The following CDH20 variants were observed in gnomAD, a reference collection of about 807,000 sequenced individuals.
CDH20 encodes the protein cadherin 20.
CDH20 carries 29 observed loss-of-function variants against 74.2 expected under a neutral mutation model. The ratio of observed to expected loss-of-function variants is 0.39; its 90% CI spans 0.29 to 0.53. CDH20 has a LOEUF of 0.53. CDH20 is among the 20% of genes least tolerant of loss of function. The pLI, the probability that CDH20 is intolerant of heterozygous loss-of-function variation, is 0.69. For missense variants in CDH20, 988 were observed against 1,048.3 expected (o/e 0.94, Z 0.79); for synonymous variants, 469 against 405.4 (o/e 1.16, Z -1.88).
In CDH20 at chr18:61,353,236, A is replaced by G. The variant is rs1490300201; in HGVS notation, c.-153+19409A>G. Among the ~76,000 whole-genome samples the G allele has an allele frequency of 6.6e-6, 1 of 152,210 alleles. No homozygotes were observed. The highest frequency in any genetic ancestry group is 1.9e-4 in the East Asian group (1 of 5,186). On this transcript the variant is annotated intron_variant, in intron 1 of 11. Coordinates refer to ENST00000262717, the MANE Select transcript of CDH20 (RefSeq NM_031891.4). This position sits in a 1 kb window ranked among gnomAD's most constrained non-coding sequence, Gnocchi z 4.6. ...CGTGGCATTAGTTTCTCCACCATCT[A>G]CATCCAGATAACTCTCTTGCATGAT...
intron 1 of CDH20, among the ~76,000 whole-genome samples, chr18:61,421,945 C>T (rs867701763): frequency 6.6e-6 from 1 of 152,044 alleles, no homozygotes; most frequent in Admixed American, 6.6e-5. Flanking sequence ...ATTCCATTTT[C>T]AATAACGCTC....
chr18:61,466,770 A>T (rs1015534641), intron 1 of CDH20, among the ~76,000 whole-genome samples: 1 of 152,212 alleles, frequency 6.6e-6, no homozygotes, highest in Admixed American at 6.5e-5. Flanking sequence ...GCACAACTAC[A>T]GAGGTAACTC....
Position 61,554,435 on chromosome 18 carries a change from T to G in CDH20, c.2146T>G (p.Cys716Gly), listed in dbSNP as rs1913552377. The part of the protein sequence containing the change: ...ESLSRYVPQT[C>G]AVNSTVHSYV... ...CCTCTCCCGCTACGTGCCTCAGACG[T>G]GCGCAGTGAACAGCACTGTCCACAG... The change falls in exon 12 of 12, where the codon TGC becomes GGC. Residue 716 changes from cysteine (C) to glycine (G), a missense_variant. This residue lies in a region of CDH20 where 375 missense variants were observed against 293.1 expected (regional missense o/e 1.28). Transcript: ENST00000262717. 2 of 1,613,098 alleles carry G rather than the reference T, an allele frequency of 1.2e-6. No homozygotes were observed. Among genetic ancestry groups the G allele is most frequent in the Admixed American group, 3.3e-5 (2 of 59,978 alleles).
intron 1 of CDH20, among the ~76,000 whole-genome samples, chr18:61,350,016 T>C (rs1910253529): frequency 6.6e-6 from 1 of 152,078 alleles, no homozygotes; most frequent in South Asian, 2.1e-4. Context: ...TCCACTGAGT[T>C]TAAGTGACTT....
At chr18:61,510,542 A>T (rs572397494) in intron 6 of CDH20, among the ~76,000 whole-genome samples, 60 of 152,290 alleles carry the variant, frequency 3.9e-4, no homozygotes, top group African/African-American at 1.4e-3. Flanking sequence ...GAACTGAATT[A>T]ACACTGCTTC....
At chr18:61,406,607 T>C (rs554245693) in intron 1 of CDH20, among the ~76,000 whole-genome samples, 1 of 152,348 alleles carries the variant, frequency 6.6e-6, no homozygotes, top group East Asian at 1.9e-4. Context: ...AACAGGATAA[T>C]GTGATAGAAT....
At chr18:61,514,288 G>A (rs1051360966) in intron 6 of CDH20, among the ~76,000 whole-genome samples, 2 of 151,802 alleles carry the variant, frequency 1.3e-5, no homozygotes, top group South Asian at 4.2e-4. Flanking sequence ...CCAGTTGATC[G>A]CATCAGCTCC....
chr18:61,514,814 G>C (rs1324049271), intron 6 of CDH20, among the ~76,000 whole-genome samples: 1 of 151,902 alleles, frequency 6.6e-6, no homozygotes, highest in Admixed American at 6.6e-5. Context: ...GGCTGCTTGG[G>C]GGTCAGGGGT....
At chr18:61,366,214 A>G (rs1910856459) in intron 1 of CDH20, among the ~76,000 whole-genome samples, 2 of 152,180 alleles carry the variant, frequency 1.3e-5, no homozygotes, top group Admixed American at 6.5e-5. Context: ...CAGGGGCCAG[A>G]GAAAAATAAA....
intron 1 of CDH20, among the ~76,000 whole-genome samples, chr18:61,444,621 G>T (rs973412542): frequency 5.3e-5 from 8 of 152,228 alleles, no homozygotes; most frequent in African/African-American, 9.6e-5. Flanking sequence ...CAACCCAAAG[G>T]GGGAGGGCTG....
rs551221304 is a variant in CDH20, at chr18:61,547,174, T to C, written c.1648+2030T>C. On this transcript the variant is annotated intron_variant, in intron 10 of 11. Transcript: ENST00000262717. ...CAAGACCCCATCCCTAACAATTTTT[T>C]TTAAGTAGCCAGACATGGTGGCATG... Among the ~76,000 whole-genome samples, 4 of 152,126 alleles carry C rather than the reference T, an allele frequency of 2.6e-5. No individual in the cohort carries two copies. In the East Asian group the frequency reaches 5.8e-4, roughly 22 times the overall value.
intron 1 of CDH20, among the ~76,000 whole-genome samples, chr18:61,357,383 A>G (rs748199506): frequency 1.3e-5 from 2 of 152,164 alleles, no homozygotes; most frequent in Non-Finnish European, 2.9e-5. Flanking sequence ...ATCACCATTA[A>G]ACAACTAAGA....
intron 1 of CDH20, among the ~76,000 whole-genome samples, chr18:61,470,230 G>T (rs887333981): frequency 1.3e-5 from 2 of 152,176 alleles, no homozygotes; most frequent in East Asian, 3.9e-4. Flanking sequence ...TGATTACAGG[G>T]TCGCATCTTA....
Position 61,500,612 on chromosome 18 carries a change from C to T in CDH20, c.661+110C>T, listed in dbSNP as rs922801208. ...AAGGACTCTCCAGGGAGTGTATTAA[C>T]CAGAGAAGACTGCTCTTAGCTTTAG... On this transcript the variant is annotated intron_variant, in intron 4 of 11. Transcript: ENST00000262717. 3 of 1,127,226 alleles carry T rather than the reference C, an allele frequency of 2.7e-6. No individual in the cohort carries two copies. In the African/African-American group the frequency reaches 4.6e-5, roughly 17 times the overall value. The allele number at this position is 1,127,226 out of a possible 1,614,324, so 69.8% of individuals were successfully genotyped here. A position where few individuals can be genotyped will look rare whatever the true frequency, so the allele number is the denominator to read the frequency against.
At chr18:61,479,696 G>C (rs1910521333) in intron 1 of CDH20, among the ~76,000 whole-genome samples, 1 of 151,826 alleles carries the variant, frequency 6.6e-6, no homozygotes, top group South Asian at 2.1e-4. Flanking sequence ...AATCTGTCCT[G>C]TGCCTATCAA....
At chr18:61,462,726 G>T (rs896768464) in intron 1 of CDH20, among the ~76,000 whole-genome samples, 6 of 74,864 alleles carry the variant, frequency 8.0e-5, no homozygotes, top group Admixed American at 3.9e-4. Flanking sequence ...AAAAAAAAAG[G>T]GGGGGGGGGC....
intron 1 of CDH20, among the ~76,000 whole-genome samples, chr18:61,396,233 C>T (rs1911973647): frequency 6.6e-6 from 1 of 152,170 alleles, no homozygotes; most frequent in Admixed American, 6.5e-5. Context: ...ATTGCCCTTT[C>T]CTCTCCTGAA....
intron 1 of CDH20, among the ~76,000 whole-genome samples, chr18:61,479,536 A>G (rs1910513101): frequency 1.3e-5 from 2 of 152,160 alleles, no homozygotes; most frequent in South Asian, 4.1e-4. Flanking sequence ...TTATGGATAA[A>G]TGTTGTTTTC....
At chr18:61,381,913 C>T (rs1208664797) in intron 1 of CDH20, among the ~76,000 whole-genome samples, 1 of 152,114 alleles carries the variant, frequency 6.6e-6, no homozygotes, top group East Asian at 1.9e-4. Context: ...TCTCTTCTAC[C>T]AATTCAAATA....
Sources: allele counts gnomAD v4.1 joint callset (sites outside exome capture counted in the v4.1 genomes callset), GRCh38; gene constraint gnomAD v4.1.1; regional missense constraint gnomAD v4.1.1; non-coding constraint Gnocchi (gnomAD v3.1); transcripts MANE v1.5; gene names NCBI Gene and HGNC (gene_info 2026-07-23, HGNC 2026-07-21).